DEPDC5: variants seen among roughly 807,000 people sequenced by gnomAD.
DEPDC5 encodes the protein DEP domain containing 5, GATOR1 subcomplex subunit.
A neutral mutation model predicts 217.3 loss-of-function variants in DEPDC5; 73 were observed. That is an observed-to-expected ratio of 0.34 (90% confidence interval 0.28 to 0.41). DEPDC5 has a LOEUF of 0.41. Among genes scored for constraint, DEPDC5 ranks in the 10% least tolerant of loss-of-function variants. The pLI, the probability that DEPDC5 is intolerant of heterozygous loss-of-function variation, is 1.00. For missense variants in DEPDC5, 1,675 were observed against 2,070.1 expected, an observed-to-expected ratio of 0.81 and a Z score of 3.70; for synonymous variants, 733 against 756.7, an observed-to-expected ratio of 0.97 and a Z score of 0.51.
At chr22:31,822,168 G>A (rs1284142244) in intron 23 of DEPDC5, among the ~76,000 whole-genome samples, 2 of 152,218 alleles carry the variant, frequency 1.3e-5, no homozygotes, top group Admixed American at 6.5e-5. Flanking sequence ...AGTCAGTGTA[G>A]GAGGAAAGTC....
chr22:31,818,347 G>A (rs1484103792), intron 21 of DEPDC5, among the ~76,000 whole-genome samples: 1 of 152,076 alleles, frequency 6.6e-6, no homozygotes, highest in South Asian at 2.1e-4. Flanking sequence ...AGGGGCTACT[G>A]ATCCACTCAG....
intron 15 of DEPDC5, among the ~76,000 whole-genome samples, chr22:31,803,119 G>A (rs1235270693): frequency 6.6e-6 from 1 of 152,102 alleles, no homozygotes; most frequent in Non-Finnish European, 1.5e-5. Flanking sequence ...GGTTGTGTCA[G>A]GGTACTCTGA....
At chr22:31,791,977 T>C (rs563496201) in intron 10 of DEPDC5, 56 bp from the exon 11 acceptor site, 5 of 1,045,246 alleles carry the variant, frequency 4.8e-6, no homozygotes, top group Non-Finnish European at 7.3e-6. Flanking sequence ...GCAGTCTGCT[T>C]CATAGTGAAG....
At position 31,819,039 on chromosome 22, in the gene DEPDC5, A is replaced by T; in HGVS notation, c.1684A>T (p.Met562Leu). The change falls in exon 22 of 43, where the codon ATG (methionine) becomes TTG (leucine). Residue 562 changes from methionine to leucine, a missense_variant. Physicochemically the swap from Met to Leu is conservative, Grantham distance 15. Coordinates refer to ENST00000651528, the MANE Select transcript of DEPDC5 (RefSeq NM_001242896.3). ...ACTGGCAGATGTCCTGGAGAACATG[A>T]TGGAGCCACCACAGCGAGACTCCAG... is the stretch of plus-strand genomic sequence containing the variant. ...TSTRDVLENM[M>L]EPPQRDSSAP... is the part of the protein sequence containing the mutation. The T allele has an allele frequency of 6.2e-7, 1 of 1,614,158 alleles. No homozygotes were observed. Among genetic ancestry groups the T allele is most frequent in the Non-Finnish European group, 8.5e-7 (1 of 1,180,018 alleles).
Position 31,758,545 on chromosome 22 carries a change from G to A in DEPDC5, c.59-1G>A. On this transcript the variant is annotated splice_acceptor_variant, in intron 2 of 42. Coordinates refer to ENST00000651528, the MANE Select transcript of DEPDC5 (RefSeq NM_001242896.3). LOFTEE classifies it high-confidence loss of function. The stretch of plus-strand genomic sequence containing the variant: ...CTTGAAGTGGCTGAATTGTCTTTCA[G>A]ATGATGAGCTAGTTGTGAACCCCAA... 3 of 1,614,082 alleles carry A rather than the reference G, an allele frequency of 1.9e-6. No homozygotes were observed. Among genetic ancestry groups the A allele is most frequent in the Non-Finnish European group, 2.5e-6 (3 of 1,179,948 alleles).
At chr22:31,802,927 T>C in intron 15 of DEPDC5, 89 bp downstream of exon 15, 1 of 1,441,942 alleles carries the variant, frequency 6.9e-7, no homozygotes, top group Middle Eastern at 1.8e-4. Context: ...TCTTAGAGTG[T>C]GAGGAGCTCT....
intron 38 of DEPDC5, among the ~76,000 whole-genome samples, chr22:31,884,956 C>G (rs924461220): frequency 4.6e-5 from 7 of 152,226 alleles, no homozygotes; most frequent in Non-Finnish European, 8.8e-5. Context: ...TAGTTACCTT[C>G]AATATTGATT....
intron 22 of DEPDC5, 44 bp from the exon 23 acceptor site, chr22:31,821,458 G>C: frequency 6.2e-7 from 1 of 1,609,674 alleles, no homozygotes; most frequent in Non-Finnish European, 8.5e-7. Flanking sequence ...CACAGCACTA[G>C]CTATCAGGTG....
At chr22:31,806,374 C>T (rs1212012070) in intron 18 of DEPDC5, among the ~76,000 whole-genome samples, 183 bp downstream of exon 18, 6 of 152,224 alleles carry the variant, frequency 3.9e-5, no homozygotes, top group South Asian at 2.1e-4. Flanking sequence ...TGGACTATCA[C>T]GCATTGATAG....
At chr22:31,805,373 A>G (rs544850353) in intron 17 of DEPDC5, among the ~76,000 whole-genome samples, 3 of 151,420 alleles carry the variant, frequency 2.0e-5, no homozygotes, top group South Asian at 2.1e-4. Flanking sequence ...GAAAATGCCT[A>G]TTTTCTTCCA....
At chr22:31,901,842 A>C in intron 41 of DEPDC5, 40 bp downstream of exon 41, 4 of 1,592,092 alleles carry the variant, frequency 2.5e-6, no homozygotes, top group Non-Finnish European at 3.4e-6. Context: ...GAAGGAAATC[A>C]GTGTTTATCT....
intron 38 of DEPDC5, among the ~76,000 whole-genome samples, chr22:31,884,044 T>C (rs556367676): frequency 6.6e-6 from 1 of 152,214 alleles, no homozygotes; most frequent in Non-Finnish European, 1.5e-5. Context: ...TCTCACTTTA[T>C]GTAATCATAG....
At chr22:31,891,427 T>C (rs2149365239) in intron 38 of DEPDC5, 3 of 259,640 alleles carry the variant, frequency 1.2e-5, no homozygotes, top group Middle Eastern at 1.3e-3. Context: ...TGCTCTCATA[T>C]TCATCTTGCT....
chr22:31,879,488 T>C, intron 37 of DEPDC5, 37 bp from the exon 38 acceptor site: 1 of 1,578,184 alleles, frequency 6.3e-7, no homozygotes, highest in Non-Finnish European at 8.6e-7. Context: ...TAAGCATTTG[T>C]GTTGAGTACT....
intron 38 of DEPDC5, among the ~76,000 whole-genome samples, chr22:31,881,399 A>T (rs1434533606): frequency 1.3e-5 from 2 of 151,762 alleles, no homozygotes; most frequent in South Asian, 2.1e-4. Context: ...GGTGGGGAGG[A>T]TAGGGTAGAA....
intron 27 of DEPDC5, among the ~76,000 whole-genome samples, chr22:31,840,457 G>A (rs899034731): frequency 2.0e-5 from 3 of 152,200 alleles, no homozygotes; most frequent in African/African-American, 7.2e-5. Context: ...CCTGTCTGAA[G>A]GATTTTGTCC....
Position 31,798,581 on chromosome 22 carries a change from G to C in DEPDC5, c.872-1G>C. On this transcript the variant is annotated splice_acceptor_variant, in intron 13 of 42. Transcript: ENST00000651528. LOFTEE classifies it high-confidence loss of function. ...TCTTTCTCTTGCATATTTTGCTTCAGAGGGCTTTCCTCAAGGAGATAATTC... is the reference window on the plus strand; with the variant it reads ...TCTTTCTCTTGCATATTTTGCTTCACAGGGCTTTCCTCAAGGAGATAATTC... 1 of 1,608,996 alleles carries C rather than the reference G, an allele frequency of 6.2e-7. No individual in the cohort carries two copies. The highest frequency in any genetic ancestry group is 1.1e-5 in the South Asian group (1 of 90,830).
At chr22:31,834,079 C>A in intron 25 of DEPDC5, 99 bp downstream of exon 25, 1 of 1,193,026 alleles carries the variant, frequency 8.4e-7, no homozygotes, top group Non-Finnish European at 1.2e-6. Context: ...AGTGAGTGGT[C>A]CTGAGGTACA....
intron 34 of DEPDC5, among the ~76,000 whole-genome samples, chr22:31,872,943 C>A (rs973703519): frequency 2.0e-5 from 3 of 151,846 alleles, no homozygotes; most frequent in African/African-American, 7.3e-5. Context: ...TTAGTAGAGA[C>A]GGGATTTCAC....
Sources: allele counts gnomAD v4.1 joint callset (sites outside exome capture counted in the v4.1 genomes callset), GRCh38; gene constraint gnomAD v4.1.1; transcripts MANE v1.5; gene names NCBI Gene and HGNC (gene_info 2026-07-23, HGNC 2026-07-21).